TFAP2D: variants seen among roughly 807,000 people sequenced by gnomAD.
TFAP2D encodes the protein transcription factor AP-2 delta, also known as transcription factor AP-2-delta.
Under a neutral mutation model 43.6 loss-of-function variants are expected in TFAP2D, and 9 were observed. The ratio of observed to expected loss-of-function variants is 0.21; its 90% CI spans 0.12 to 0.36. The LOEUF (loss-of-function observed/expected upper bound fraction) is 0.36. Among genes scored for constraint, TFAP2D ranks in the 10% least tolerant of loss-of-function variants. The pLI, the probability that TFAP2D is intolerant of heterozygous loss-of-function variation, is 1.00. For synonymous variants in TFAP2D, 256 were observed against 224.9 expected (o/e 1.14, Z -1.24); for missense variants, 513 against 561.4 (o/e 0.91, Z 0.87).
intron 3 of TFAP2D, among the ~76,000 whole-genome samples, chr6:50,724,805 T>C (rs1035998900): frequency 6.6e-6 from 1 of 151,974 alleles, no homozygotes; most frequent in Non-Finnish European, 1.5e-5. Flanking sequence ...TGTCTTGTCC[T>C]ACCCCGCAGT....
At chr6:50,715,055 T>G in intron 1 of TFAP2D, 61 bp from the exon 2 acceptor site, 1 of 1,565,944 alleles carries the variant, frequency 6.4e-7, no homozygotes, top group Non-Finnish European at 8.7e-7. Flanking sequence ...AGCGGCGCCT[T>G]GGTTGCAAAA....
chr6:50,766,454 G>A (rs1056467086), intron 7 of TFAP2D, among the ~76,000 whole-genome samples: 4 of 151,820 alleles, frequency 2.6e-5, no homozygotes, highest in African/African-American at 9.7e-5. Flanking sequence ...GTTTTAGTAT[G>A]GACATTTAAA....
intron 5 of TFAP2D, among the ~76,000 whole-genome samples, chr6:50,739,753 C>A (rs1176617378): frequency 1.3e-5 from 2 of 152,306 alleles, no homozygotes; most frequent in South Asian, 4.1e-4. Context: ...AATTAACATA[C>A]TGTTAACATA....
intron 7 of TFAP2D, among the ~76,000 whole-genome samples, chr6:50,752,088 T>C (rs1769208178): frequency 6.6e-6 from 1 of 151,882 alleles, no homozygotes; most frequent in Non-Finnish European, 1.5e-5. Flanking sequence ...ATGTTAAAAA[T>C]TTTGATGCAA....
intron 6 of TFAP2D, 55 bp downstream of exon 6, chr6:50,745,303 T>G (rs1769110484): frequency 1.9e-6 from 3 of 1,598,116 alleles, no homozygotes; most frequent in Non-Finnish European, 2.6e-6. Flanking sequence ...TTTTTTTTCA[T>G]TTTCTTTGAA....
At chr6:50,727,231 C>T (rs1226178391) in intron 3 of TFAP2D, among the ~76,000 whole-genome samples, 1 of 152,162 alleles carries the variant, frequency 6.6e-6, no homozygotes, top group Non-Finnish European at 1.5e-5. Flanking sequence ...GACCAAAAGA[C>T]AGTCAGGAAG....
At chr6:50,749,518 C>T (rs1187401977) in intron 6 of TFAP2D, among the ~76,000 whole-genome samples, 1 of 151,652 alleles carries the variant, frequency 6.6e-6, no homozygotes, top group Non-Finnish European at 1.5e-5. Context: ...TGATGACCTA[C>T]CATACAGTAA....
intron 5 of TFAP2D, among the ~76,000 whole-genome samples, chr6:50,732,575 ACT>A: frequency 6.6e-6 from 1 of 152,000 alleles, no homozygotes; most frequent in Middle Eastern, 3.4e-3. Context: ...GCAGTACTTG[ACT>A]CTGCCTCTTT....
At chr6:50,752,790 A>C (rs1286580603) in intron 7 of TFAP2D, among the ~76,000 whole-genome samples, 1 of 151,920 alleles carries the variant, frequency 6.6e-6, no homozygotes, top group Admixed American at 6.6e-5. Flanking sequence ...TAAAAAGCCC[A>C]GATGCTATGA....
intron 3 of TFAP2D, among the ~76,000 whole-genome samples, chr6:50,725,524 A>G (rs893677572): frequency 1.3e-5 from 2 of 152,236 alleles, no homozygotes; most frequent in Admixed American, 6.5e-5. Context: ...GACATTCTTA[A>G]TTGTGATGCT....
chr6:50,745,323 A>G, intron 6 of TFAP2D, 75 bp downstream of exon 6: 1 of 1,591,774 alleles, frequency 6.3e-7, no homozygotes, highest in Non-Finnish European at 8.5e-7. Flanking sequence ...AATGAGGAAA[A>G]CAGTCTAGAA....
At chr6:50,722,486 T>C (rs1768742107) in intron 3 of TFAP2D, among the ~76,000 whole-genome samples, 1 of 152,144 alleles carries the variant, frequency 6.6e-6, no homozygotes, top group Admixed American at 6.5e-5. Context: ...TTTTTAATCA[T>C]TAAAAAAAGA....
chr6:50,716,625 G>A (rs1406800756), intron 2 of TFAP2D, among the ~76,000 whole-genome samples: 2 of 152,150 alleles, frequency 1.3e-5, no homozygotes, highest in Non-Finnish European at 2.9e-5. Flanking sequence ...CAATTATGTT[G>A]CCATAGGCAT....
chr6:50,760,200 A>G (rs1027123737), intron 7 of TFAP2D, among the ~76,000 whole-genome samples: 1 of 152,016 alleles, frequency 6.6e-6, no homozygotes, highest in Non-Finnish European at 1.5e-5. Flanking sequence ...TAAAACTAAG[A>G]TTCCGCAGAA....
intron 3 of TFAP2D, among the ~76,000 whole-genome samples, chr6:50,726,266 T>C (rs1389468856): frequency 6.6e-6 from 1 of 152,228 alleles, no homozygotes; most frequent in East Asian, 1.9e-4. Flanking sequence ...TTAAAAATGA[T>C]AATCATCTAC....
intron 2 of TFAP2D, among the ~76,000 whole-genome samples, chr6:50,716,578 T>TAA (rs1768631601): frequency 6.6e-6 from 1 of 152,218 alleles, no homozygotes; most frequent in South Asian, 2.1e-4. Flanking sequence ...AACACGTGTT[T>TAA]GCACATTCTT....
chr6:50,755,295 T>G (rs1769248414), intron 7 of TFAP2D, among the ~76,000 whole-genome samples: 1 of 152,104 alleles, frequency 6.6e-6, no homozygotes, highest in East Asian at 1.9e-4. Flanking sequence ...CACATTTATT[T>G]AAAAAGGCAT....
chr6:50,737,543 C>T (rs546968868), intron 5 of TFAP2D, among the ~76,000 whole-genome samples: 51 of 152,282 alleles, frequency 3.3e-4, no homozygotes, highest in Non-Finnish European at 6.3e-4. Context: ...TTCCTTTTCA[C>T]TCTGTTCCCC....
chr6:50,765,073 C>G (rs1017237921), intron 7 of TFAP2D, among the ~76,000 whole-genome samples: 1 of 152,104 alleles, frequency 6.6e-6, no homozygotes, highest in Admixed American at 6.5e-5. Flanking sequence ...ACCTTTTGAC[C>G]AACATCGCCC....
Sources: allele counts gnomAD v4.1 joint callset (sites outside exome capture counted in the v4.1 genomes callset), GRCh38; gene constraint gnomAD v4.1.1; transcripts MANE v1.5; gene names NCBI Gene and HGNC (gene_info 2026-07-23, HGNC 2026-07-21).